PEX6: variants seen among roughly 807,000 people sequenced by gnomAD.
The protein encoded by PEX6 is peroxisomal biogenesis factor 6.
A neutral mutation model predicts 85.6 loss-of-function variants in PEX6; 55 were observed. That is an observed-to-expected ratio of 0.64 (90% CI 0.52 to 0.80). The LOEUF is 0.80. Among genes scored for constraint, PEX6 ranks in the 30% least tolerant of loss-of-function variants. The pLI is 0.00. For missense variants in PEX6, 1,099 were observed against 1,260.3 expected, an observed-to-expected ratio of 0.87 and a Z score of 1.94; for synonymous variants, 519 against 549.1, an observed-to-expected ratio of 0.95 and a Z score of 0.77.
intron 7 of PEX6, among the ~76,000 whole-genome samples, chr6:42,967,947 C>CA (rs1554127261): frequency 1.5e-5 from 2 of 136,406 alleles, no homozygotes; most frequent in Admixed American, 1.5e-4. Flanking sequence ...CCCGCTCCCC[C>CA]TTTTTTTTTT....
chr6:42,973,627 C>T (rs1770147417), intron 3 of PEX6, among the ~76,000 whole-genome samples: 1 of 152,066 alleles, frequency 6.6e-6, no homozygotes. Flanking sequence ...CCAAGGCAGG[C>T]AGATCACTTG....
intron 8 of PEX6, 84 bp from the exon 9 acceptor site, chr6:42,966,942 C>A: frequency 1.0e-6 from 1 of 954,062 alleles, no homozygotes; most frequent in Non-Finnish European, 1.7e-6. Flanking sequence ...GAGCAGAGGC[C>A]CTCTGTTGAT....
Position 42,974,034 on chromosome 6 carries a change from T to G in PEX6, c.1099A>C (p.Ile367Leu). The G allele has an allele frequency of 6.2e-7, 1 of 1,614,064 alleles. No individual in the cohort carries two copies. The highest frequency in any genetic ancestry group is 8.5e-7 in the Non-Finnish European group (1 of 1,179,928). ...AGTTTCTCTGGACTTCCTTCCAGGA[T>G]CTCTACTTGCCCAATTGTTGGCACA... ...LCVPTIGQVEILEGSPEKLPR... is the reference protein window; with the variant it reads ...LCVPTIGQVELLEGSPEKLPR... The change falls in exon 3 of 17, where the codon ATC becomes CTC. Residue 367 changes from isoleucine to leucine, a missense_variant. Transcript: ENST00000304611.
At position 42,968,962 on chromosome 6, in the gene PEX6, C is replaced by T; in HGVS notation, c.1391G>A (p.Ser464Asn). ...TGGGGGGCCCCGTAGAAGGACACTG[C>T]TAGTTCCTGTCAGCAGGGCACCCCT... ...QPGGALLTGTSSVLLRGPPGC... is the reference protein window; with the variant it reads ...QPGGALLTGTNSVLLRGPPGC... Residue 464 changes from serine (S) to asparagine (N), a missense_variant, in exon 6 of 17, where the codon AGC becomes AAC. Physicochemically the swap from Ser to Asn is conservative, Grantham distance 46 (BLOSUM62 1). This residue lies in a region of PEX6 where 579 missense variants were observed against 611.6 expected (regional missense o/e 0.95). Transcript: ENST00000304611. The T allele has an allele frequency of 1.9e-6, 3 of 1,613,876 alleles. No homozygotes were observed. Among genetic ancestry groups the T allele is most frequent in the South Asian group, 2.2e-5 (2 of 91,086 alleles).
At position 42,968,999 on chromosome 6, in the gene PEX6, A is replaced by G; in HGVS notation, c.1368-14T>C. On this transcript the variant is annotated splice_polypyrimidine_tract_variant and intron_variant, in intron 5 of 16. Transcript: ENST00000304611. ...AGCAGGGCACCCCTGCAACCAGAGA[A>G]CAGACATTCGTCTCCTTCATTTTGC... 6.4e-7 allele frequency: 1 copy of G among 1,572,016 alleles called. No individual in the cohort carries two copies. The highest frequency in any genetic ancestry group is 1.1e-5 in the South Asian group (1 of 90,254).
rs1769988075 is a variant in PEX6 at position 42,969,667 on chromosome 6, C to T, written c.1367+1G>A. 16 of 1,612,616 alleles carry T rather than the reference C, an allele frequency of 9.9e-6. No homozygotes were observed. The highest frequency in any genetic ancestry group is 1.4e-5 in the Non-Finnish European group (16 of 1,180,010). On this transcript the variant is annotated splice_donor_variant, in intron 5 of 16. Transcript: ENST00000304611. LOFTEE classifies it high-confidence loss of function. ...CACCCTGGGGTGATGACCTCACTCA[C>T]CCTGGCTGGAGGCGAGGCTTCAGGA...
At position 42,965,926 on chromosome 6, in the gene PEX6, C is replaced by A. The variant is rs1769779574; in HGVS notation, c.2362+118G>T. The A allele has an allele frequency of 2.1e-5, 29 of 1,388,590 alleles. No individual in the cohort carries two copies. The highest frequency in any genetic ancestry group is 2.7e-5 in the Non-Finnish European group (26 of 978,556). 86.0% of individuals were successfully genotyped at this position (1,388,590 alleles called of 1,614,324 possible). ...GGTACTAGACCCAGCTGGGCAGGAACCTGACTTGTAGAAAGGAGGATTAGG... is the reference window on the plus strand; with the variant it reads ...GGTACTAGACCCAGCTGGGCAGGAAACTGACTTGTAGAAAGGAGGATTAGG... On this transcript the variant is annotated intron_variant, in intron 12 of 16. Coordinates refer to ENST00000304611, the MANE Select transcript of PEX6 (RefSeq NM_000287.4). This position sits in a 1 kb window ranked among gnomAD's most constrained non-coding sequence, Gnocchi z 5.0.
rs1476834322 is a variant in PEX6, at chr6:42,978,487, A to G, written c.664T>C (p.Trp222Arg). 6.2e-7 allele frequency: 1 copy of G among 1,614,054 alleles called. No homozygotes were observed. The highest frequency in any genetic ancestry group is 1.1e-5 in the South Asian group (1 of 91,080). The stretch of plus-strand genomic sequence containing the variant: ...TCTCTGGCCTGGGCCACCCACACCC[A>G]TTCGCCCTGGAAGAGGCCAAGGCCA... Reference protein sequence around the residue: ...LRGLGLFQGEWVWVAQARESS... With the variant: ...LRGLGLFQGERVWVAQARESS... Residue 222 changes from tryptophan (W) to arginine (R), a missense_variant, in exon 1 of 17, where the codon TGG (tryptophan) becomes CGG (arginine). Physicochemically the swap from Trp to Arg is moderately radical, Grantham distance 101. This residue lies in a region of PEX6 where 579 missense variants were observed against 611.6 expected (regional missense o/e 0.95). Transcript: ENST00000304611.
chr6:42,967,678 G>T, intron 7 of PEX6, 115 bp from the exon 8 acceptor site: 1 of 888,336 alleles, frequency 1.1e-6, no homozygotes, highest in Non-Finnish European at 1.8e-6. Context: ...GCTAGGATGG[G>T]GTAGGGAGAT....
intron 3 of PEX6, among the ~76,000 whole-genome samples, chr6:42,973,403 T>C (rs1441012801): frequency 2.0e-5 from 3 of 151,852 alleles, no homozygotes; most frequent in Non-Finnish European, 4.4e-5. Context: ...GTTCTTTTAG[T>C]TTGCTTGTTT....
chr6:42,970,806 A>G (rs573502043), intron 3 of PEX6, among the ~76,000 whole-genome samples: 3 of 152,304 alleles, frequency 2.0e-5, no homozygotes, highest in South Asian at 4.1e-4. Flanking sequence ...TTCTGCCCCA[A>G]TAGATCTGGG....
At chr6:42,975,376 T>C (rs182243825) in intron 1 of PEX6, among the ~76,000 whole-genome samples, 28 of 152,320 alleles carry the variant, frequency 1.8e-4, no homozygotes, top group African/African-American at 6.5e-4. Flanking sequence ...GGGATTAACA[T>C]TAAGTGGTCA....
chr6:42,970,013 C>A (rs1192926217), intron 3 of PEX6, 26 bp from the exon 4 acceptor site: 1 of 1,591,918 alleles, frequency 6.3e-7, no homozygotes, highest in Non-Finnish European at 8.6e-7. Flanking sequence ...CCAATGAACC[C>A]CAGATCCAGA....
Position 42,978,351 on chromosome 6 carries a change from G to T in PEX6, c.800C>A (p.Ala267Asp), listed in dbSNP as rs767182027. The change falls in exon 1 of 17, where the codon GCT (alanine) becomes GAT (aspartate). Residue 267 changes from alanine to aspartate, a missense_variant. By Grantham distance (126) the Ala-to-Asp change is moderately radical (BLOSUM62 -2). Transcript: ENST00000304611. Reference sequence around the variant, plus strand: ...GGCAGGGACAAGCGCCAGTCCGTCAGCGAGGGGCTCTCCCAGCGGTCCAGA... The same window carrying T: ...GGCAGGGACAAGCGCCAGTCCGTCATCGAGGGGCTCTCCCAGCGGTCCAGA... Reference protein sequence around the residue: ...PGSGPLGEPLADGLALVPATL... With the variant: ...PGSGPLGEPLDDGLALVPATL... 6.2e-7 allele frequency: 1 copy of T among 1,614,248 alleles called. No individual in the cohort carries two copies. Among genetic ancestry groups the T allele is most frequent in the Non-Finnish European group, 8.5e-7 (1 of 1,180,042 alleles).
In PEX6 at chr6:42,965,478, G is replaced by A. The variant is rs536278797; in HGVS notation, c.2472-110C>T. 2.6e-5 allele frequency: 24 copies of A among 937,980 alleles called. No individual in the cohort carries two copies. The highest frequency in any genetic ancestry group is 2.5e-4 in the South Asian group (19 of 76,922). 58.1% of individuals were successfully genotyped at this position (937,980 alleles called of 1,614,324 possible). ...TCTCAACAGGGCCCTCCACTCAGCTGTGCCCAATGTGCCCCACCAGGTAGG... is the reference window on the plus strand; with the variant it reads ...TCTCAACAGGGCCCTCCACTCAGCTATGCCCAATGTGCCCCACCAGGTAGG... On this transcript the variant is annotated intron_variant, in intron 13 of 16. Coordinates refer to ENST00000304611, the MANE Select transcript of PEX6 (RefSeq NM_000287.4). The surrounding 1 kb of genome is among the most constrained non-coding windows in gnomAD (Gnocchi z 5.0).
chr6:42,977,136 G>A (rs764007654), intron 1 of PEX6, among the ~76,000 whole-genome samples: 1 of 151,878 alleles, frequency 6.6e-6, no homozygotes, highest in Admixed American at 6.6e-5. Flanking sequence ...GGATAAGAAT[G>A]AGCAAAAGCA....
In PEX6 at chr6:42,974,881, A is replaced by G. The variant is rs1770222283; in HGVS notation, c.1040T>C (p.Ile347Thr). ...YDGVLYRHFQ[I>T]PRVVQEGDVL... ...AAAAGGTTAGGTAGCTAACCTGGGT[A>G]TCTGAAAGTGCCGGTAAAGAACACC... The change falls in exon 2 of 17, where the codon ATA becomes ACA. Residue 347 changes from isoleucine to threonine, a missense_variant. By Grantham distance (89) the Ile-to-Thr change is moderately conservative (BLOSUM62 -1). Coordinates refer to ENST00000304611, the MANE Select transcript of PEX6 (RefSeq NM_000287.4). 1.2e-6 allele frequency: 2 copies of G among 1,613,860 alleles called. No individual in the cohort carries two copies.
chr6:42,967,672 G>T, intron 7 of PEX6, 109 bp from the exon 8 acceptor site: 1 of 933,580 alleles, frequency 1.1e-6, no homozygotes, highest in Non-Finnish European at 1.7e-6. Flanking sequence ...GTGGGTGCTA[G>T]GATGGGGTAG....
Position 42,964,600 on chromosome 6 carries a change from C to T in PEX6, c.2807-129G>A. The T allele has an allele frequency of 3.0e-6, 4 of 1,336,720 alleles. No homozygotes were observed. Among genetic ancestry groups the T allele is most frequent in the Non-Finnish European group, 4.2e-6 (4 of 948,774 alleles). The allele number at this position is 1,336,720 out of a possible 1,614,324, so 82.8% of individuals were successfully genotyped here. ...CTCTGGAATCCAGGACTAGGTTTGT[C>T]TCCCACTAGTTTTTTTTTTCCCTTA... is the stretch of plus-strand genomic sequence containing the variant. On this transcript the variant is annotated intron_variant, in intron 16 of 16. Coordinates refer to ENST00000304611, the MANE Select transcript of PEX6 (RefSeq NM_000287.4). This position sits in a 1 kb window ranked among gnomAD's most constrained non-coding sequence, Gnocchi z 4.6.
Sources: gnomAD v4.1 joint callset for allele counts (sites outside exome capture counted in the v4.1 genomes callset) on GRCh38, gnomAD v4.1.1 for gene constraint, gnomAD v4.1.1 regional missense constraint, Gnocchi (gnomAD v3.1) non-coding constraint, MANE v1.5 for transcripts, NCBI Gene and HGNC (gene_info 2026-07-23, HGNC 2026-07-21) for gene names.